Variants in MYOZ1 observed in about 807,000 individuals in gnomAD.
MYOZ1 encodes the protein myozenin-1.
In MYOZ1, 20 loss-of-function variants were observed where a neutral mutation model predicts 28.7. That is an observed-to-expected ratio of 0.70 (90% CI 0.49 to 1.01). The LOEUF is 1.01. Ranked by LOEUF, MYOZ1 falls within the 50% of genes least tolerant of loss-of-function variation. MYOZ1 has a pLI of 0.00. For synonymous variants in MYOZ1, 144 were observed against 145.8 expected (o/e 0.99, Z 0.09); for missense variants, 371 against 372.4 (o/e 1.00, Z 0.03).
chr10:73,634,352 CTG>C, intron 4 of MYOZ1, 130 bp downstream of exon 4: 1 of 1,088,704 alleles, frequency 9.2e-7, no homozygotes, highest in Non-Finnish European at 1.2e-6. Context: ...GATATTTAAA[CTG>C]ATATTATTAT....
chr10:73,632,270 G>T (rs2081639687), intron 5 of MYOZ1, 109 bp from the exon 6 acceptor site: 1 of 1,007,848 alleles, frequency 9.9e-7, no homozygotes, highest in Admixed American at 2.3e-5. Context: ...TTCTAGTTTG[G>T]GATTGCATCT....
chr10:73,640,403 C>G (rs2081696677), intron 1 of MYOZ1, among the ~76,000 whole-genome samples: 1 of 152,158 alleles, frequency 6.6e-6, no homozygotes, highest in South Asian at 2.1e-4. Flanking sequence ...TCCTGCCTCC[C>G]AAAGTGCTGA....
chr10:73,636,081 A>T (rs2081665624), intron 3 of MYOZ1, among the ~76,000 whole-genome samples: 1 of 152,128 alleles, frequency 6.6e-6, no homozygotes, highest in Non-Finnish European at 1.5e-5. Flanking sequence ...CTCCTATATG[A>T]GGACCAATGA....
chr10:73,640,045 G>A lies in MYOZ1; in HGVS notation c.-18-10C>T, dbSNP rs748069306. The stretch of plus-strand genomic sequence containing the variant: ...TGGAGGTGGATTCAGCCTGGACAGG[G>A]TGGGAAGGAGGAGTTGGTGGATGGA... On this transcript the variant is annotated splice_polypyrimidine_tract_variant and intron_variant, in intron 1 of 5. Coordinates refer to ENST00000359322, the MANE Select transcript of MYOZ1 (RefSeq NM_021245.4). 1.2e-6 allele frequency: 2 copies of A among 1,609,666 alleles called. No homozygotes were observed. Among genetic ancestry groups the A allele is most frequent in the African/African-American group, 1.3e-5 (1 of 74,818 alleles).
At chr10:73,634,335 T>C in intron 4 of MYOZ1, 149 bp downstream of exon 4, 2 of 1,022,086 alleles carry the variant, frequency 2.0e-6, no homozygotes, top group Non-Finnish European at 2.7e-6. Flanking sequence ...TTCACCAAGA[T>C]ATTTATGATA....
chr10:73,632,326 G>A (rs2081639858), intron 5 of MYOZ1, among the ~76,000 whole-genome samples, 165 bp from the exon 6 acceptor site: 1 of 152,114 alleles, frequency 6.6e-6, no homozygotes, highest in African/African-American at 2.4e-5. Flanking sequence ...TTCCTGGTTA[G>A]CTTGTTTCCC....
intron 3 of MYOZ1, among the ~76,000 whole-genome samples, chr10:73,636,058 C>G (rs1481321179): frequency 1.3e-5 from 2 of 152,166 alleles, no homozygotes; most frequent in African/African-American, 4.8e-5. Flanking sequence ...AGCAGCTCAG[C>G]ACTTTTACTC....
Position 73,634,569 on chromosome 10 carries a change from A to G in MYOZ1, c.417T>C (p.Ser139=), listed in dbSNP as rs1414488810. ...SDQQHHLGSG[S]GAGGTGGPAG... is the part of the protein sequence containing the mutation. ...CGGGACCACCTGTACCCCCAGCTCCAGACCCAGAGCCCAGATGGTGCTGCT... is the reference window on the plus strand; with the variant it reads ...CGGGACCACCTGTACCCCCAGCTCCGGACCCAGAGCCCAGATGGTGCTGCT... Residue 139 remains serine, a synonymous_variant, in exon 4 of 6, where the codon TCT becomes TCC. Transcript: ENST00000359322. The G allele has an allele frequency of 5.0e-6, 8 of 1,613,988 alleles. No individual in the cohort carries two copies. In the East Asian group the frequency reaches 1.6e-4, roughly 31 times the overall value.
At chr10:73,639,359 C>T (rs546957235) in intron 2 of MYOZ1, among the ~76,000 whole-genome samples, 3 of 151,782 alleles carry the variant, frequency 2.0e-5, no homozygotes, top group African/African-American at 4.8e-5. Context: ...TGAGTTCAAG[C>T]GATCCACCAG....
intron 3 of MYOZ1, among the ~76,000 whole-genome samples, chr10:73,637,135 C>T (rs1222024946): frequency 6.6e-6 from 1 of 151,418 alleles, no homozygotes; most frequent in East Asian, 1.9e-4. Flanking sequence ...GCCTCAGCCT[C>T]CTGAGTACCT....
At position 73,640,012 on chromosome 10, in the gene MYOZ1, C is replaced by A. The variant is rs372555539; in HGVS notation, c.6G>T (p.Pro2=). 6.2e-7 allele frequency: 1 copy of A among 1,613,660 alleles called. No homozygotes were observed. Among genetic ancestry groups the A allele is most frequent in the African/African-American group, 1.3e-5 (1 of 74,864 alleles). Residue 2 remains proline (P), a synonymous_variant, in exon 2 of 6, where the codon CCG becomes CCT. Transcript: ENST00000359322. ...TATTAGGGGCCGGGGTTCCTGAGAG[C>A]GGCATTGTGGAGGTGGATTCAGCCT... The part of the protein sequence containing the change: M[P]LSGTPAPNKK...
rs902654190 is a variant in MYOZ1 at position 73,633,784 on chromosome 10, T to G, written c.668+116A>C. 3 of 1,145,026 alleles carry G rather than the reference T, an allele frequency of 2.6e-6. No homozygotes were observed. In the African/African-American group the frequency reaches 4.7e-5, roughly 18 times the overall value. The allele number at this position is 1,145,026 out of a possible 1,614,324, so 70.9% of individuals were successfully genotyped here. A position where few individuals can be genotyped will look rare whatever the true frequency, so the allele number is the denominator to read the frequency against. On this transcript the variant is annotated intron_variant, in intron 5 of 5. Coordinates refer to ENST00000359322, the MANE Select transcript of MYOZ1 (RefSeq NM_021245.4). Reference sequence around the variant, plus strand: ...GCAGGGCCTTTGATTAGGACCCCCATATCCCTGCCATCTCTCCTTAGCCTC... The same window carrying G: ...GCAGGGCCTTTGATTAGGACCCCCAGATCCCTGCCATCTCTCCTTAGCCTC...
Position 73,634,704 on chromosome 10 carries a change from C to T in MYOZ1, c.282G>A (p.Val94=). The T allele has an allele frequency of 6.2e-7, 1 of 1,614,042 alleles. No homozygotes were observed. The change falls in exon 4 of 6, where the codon GTG becomes GTA. Residue 94 remains valine, a synonymous_variant. Transcript: ENST00000359322. ...GACCAGCTGTGCCCAGCTGTCCCCC[C>T]ACTGTTGGAAGGAACTTCTGGAAGT... ...MDHFQKFLPT[V]GGQLGTAGQG...
rs1383999291 is a variant in MYOZ1 at position 73,634,496 on chromosome 10, C to T, written c.490G>A (p.Glu164Lys). The T allele has an allele frequency of 6.2e-7, 1 of 1,613,966 alleles. No individual in the cohort carries two copies. The highest frequency in any genetic ancestry group is 1.3e-5 in the African/African-American group (1 of 74,904). Residue 164 changes from glutamate to lysine, a missense_variant, in exon 4 of 6, where the codon GAG becomes AAG. Coordinates refer to ENST00000359322, the MANE Select transcript of MYOZ1 (RefSeq NM_021245.4). ...TGAGTGTACTTGCCTGATCCTGTCT[C>T]ACCAACCCCTGCTGTGCCAGCAGCT... ...GGAAGTAGVG[E>K]TGSGDQAGGE...
chr10:73,635,377 GA>G (rs1304484652), intron 3 of MYOZ1, among the ~76,000 whole-genome samples: 1 of 150,620 alleles, frequency 6.6e-6, no homozygotes, highest in Non-Finnish European at 1.5e-5. Context: ...AAAAAAAAAT[GA>G]AAAAAAATTC....
At chr10:73,633,669 T>C (rs144101249) in intron 5 of MYOZ1, among the ~76,000 whole-genome samples, 3 of 152,328 alleles carry the variant, frequency 2.0e-5, no homozygotes, top group African/African-American at 7.2e-5. Context: ...AGCTAATAAA[T>C]GACCATTGAG....
rs542105296 is a variant in MYOZ1, at chr10:73,633,980, G to A, written c.588C>T (p.Pro196=). Residue 196 remains proline, a synonymous_variant, in exon 5 of 6, where the codon CCC becomes CCT. Transcript: ENST00000359322. The part of the protein sequence containing the change: ...SPWERAMGVD[P]QQKMELGIDL... ...CAATGCCAAGTTCCATTTTTTGCTG[G>A]GGGTCAACCCCCATGGCTCGCTCCC... 5.0e-6 allele frequency: 8 copies of A among 1,613,292 alleles called. No individual in the cohort carries two copies. In the South Asian group the frequency reaches 7.7e-5, roughly 16 times the overall value.
rs2081655533 is a variant in MYOZ1 at position 73,634,565 on chromosome 10, C to T, written c.421G>A (p.Ala141Thr). 4 of 1,614,170 alleles carry T rather than the reference C, an allele frequency of 2.5e-6. No individual in the cohort carries two copies. The highest frequency in any genetic ancestry group is 2.5e-6 in the Non-Finnish European group (3 of 1,180,030). The stretch of plus-strand genomic sequence containing the variant: ...CCCGCGGGACCACCTGTACCCCCAG[C>T]TCCAGACCCAGAGCCCAGATGGTGC... ...QQHHLGSGSGAGGTGGPAGQA... is the reference protein window; with the variant it reads ...QQHHLGSGSGTGGTGGPAGQA... The change falls in exon 4 of 6, where the codon GCT (alanine) becomes ACT (threonine). Residue 141 changes from alanine to threonine, a missense_variant. Coordinates refer to ENST00000359322, the MANE Select transcript of MYOZ1 (RefSeq NM_021245.4).
intron 5 of MYOZ1, 101 bp downstream of exon 5, chr10:73,633,799 T>C (rs2081650078): frequency 7.7e-7 from 1 of 1,305,058 alleles, no homozygotes; most frequent in Non-Finnish European, 1.0e-6. Context: ...CTGCCATCTC[T>C]CCTTAGCCTC....
Sources: allele counts gnomAD v4.1 joint callset (sites outside exome capture counted in the v4.1 genomes callset), GRCh38; gene constraint gnomAD v4.1.1; transcripts MANE v1.5; gene names NCBI Gene and HGNC (gene_info 2026-07-23, HGNC 2026-07-21).